Variants in SALL4 observed in about 807,000 individuals in gnomAD.
SALL4 encodes spalt like transcription factor 4, also known as sal-like protein 4.
In SALL4, 4 loss-of-function variants were observed where a neutral mutation model predicts 60.8. The observed-to-expected ratio is 0.07, with a 90% CI of 0.03 to 0.15. SALL4 has a LOEUF of 0.15. Among genes scored for constraint, SALL4 ranks in the 10% least tolerant of loss-of-function variants. SALL4 has a pLI of 1.00. For missense variants in SALL4, 1,178 were observed against 1,394.7 expected, an observed-to-expected ratio of 0.84 and a Z score of 2.48; for synonymous variants, 580 against 574.9, an observed-to-expected ratio of 1.01 and a Z score of -0.13.
rs754373226 is a variant in SALL4, at chr20:51,801,138, C to T, written c.130+1141G>A. On this transcript the variant is annotated intron_variant, in intron 1 of 3. Transcript: ENST00000217086. This position sits in a 1 kb window ranked among gnomAD's most constrained non-coding sequence, Gnocchi z 5.2. ...CAAATCCCCCCTCCCCCCACGCGCACGCTAAAAACTTATCAGGCGACAATT... is the reference window on the plus strand; with the variant it reads ...CAAATCCCCCCTCCCCCCACGCGCATGCTAAAAACTTATCAGGCGACAATT... Among the ~76,000 whole-genome samples, 1 of 152,036 alleles carries T rather than the reference C, an allele frequency of 6.6e-6. No homozygotes were observed. The highest frequency in any genetic ancestry group is 6.6e-5 in the Admixed American group (1 of 15,252).
In SALL4 at chr20:51,802,355, C is replaced by G; in HGVS notation, c.54G>C (p.Gln18His). The change falls in exon 1 of 4, where the codon CAG becomes CAC. Residue 18 changes from glutamine (Q) to histidine (H), a missense_variant. Transcript: ENST00000217086. ...KPQHINSEED[Q>H]GEQQPQQQTP... ...TCTGCTGCTGCGGCTGCTGCTCGCC[C>G]TGGTCCTCCTCCGAGTTGATGTGCT... is the stretch of plus-strand genomic sequence containing the variant. 1 of 1,611,188 alleles carries G rather than the reference C, an allele frequency of 6.2e-7. No individual in the cohort carries two copies. Among genetic ancestry groups the G allele is most frequent in the Non-Finnish European group, 8.5e-7 (1 of 1,179,824 alleles).
At position 51,792,336 on chromosome 20, in the gene SALL4, G is replaced by T; in HGVS notation, c.147C>A (p.His49Gln). The change falls in exon 2 of 4, where the codon CAC (histidine) becomes CAA (glutamine). Residue 49 changes from histidine (H) to glutamine (Q), a missense_variant. His to Gln is a conservative substitution (Grantham distance 24). This residue lies in a region of SALL4 where 108 missense variants were observed against 95.7 expected (regional missense o/e 1.13). Coordinates refer to ENST00000217086, the MANE Select transcript of SALL4 (RefSeq NM_020436.5). Reference protein sequence around the residue: ...AAGELGAPVNHPGNDEVASED... With the variant: ...AAGELGAPVNQPGNDEVASED... ...CACTCGCCACCTCGTCATTCCCTGG[G>T]TGGTTCACTGGAGCACCTGTAACAA... is the stretch of plus-strand genomic sequence containing the variant. 6.2e-7 allele frequency: 1 copy of T among 1,603,994 alleles called. No individual in the cohort carries two copies. Among genetic ancestry groups the T allele is most frequent in the Non-Finnish European group, 8.5e-7 (1 of 1,179,976 alleles).
chr20:51,790,963 A>C lies in SALL4; in HGVS notation c.1520T>G (p.Leu507Arg), dbSNP rs6126344. Residue 507 changes from leucine to arginine, a missense_variant, in exon 2 of 4, where the codon CTG becomes CGG. Leu to Arg is a moderately radical substitution (Grantham distance 102, BLOSUM62 -2). This residue lies in a region of SALL4 where 853 missense variants were observed against 1,036.8 expected (regional missense o/e 0.82). Transcript: ENST00000217086. This position sits in a 1 kb window ranked among gnomAD's most constrained non-coding sequence, Gnocchi z 5.5. ...ACTTTCTGGAGAAGGCCCAGGCTGC[A>C]GGTCACCGGGCAAGGAGCCACCCGT... ...DLTGGSLPGD[L>R]QPGPSPESEG... 0.35 allele frequency: 557,459 copies of C among 1,613,936 alleles called. 99,606 individuals carry two copies. The highest frequency in any genetic ancestry group is 0.55 in the East Asian group (24,652 of 44,848).
Position 51,782,572 on chromosome 20 carries a change from AAAGGGGGGCGGAATCCTAAAGTCAGG to A in SALL4, c.*1667_*1692del, listed in dbSNP as rs2077962147. ...TGGCAAAAAAAAAAAAAAAAAAAAA[AAAGGGGGGCGGAATCCTAAAGTCAGG>A]TGCAACGATGAAGAGACAACACTTT... On this transcript the variant is annotated 3_prime_UTR_variant, in exon 4 of 4. Coordinates refer to ENST00000217086, the MANE Select transcript of SALL4 (RefSeq NM_020436.5). The A allele has an allele frequency of 1.3e-5, 2 of 151,040 alleles. No individual in the cohort carries two copies. The highest frequency in any genetic ancestry group is 1.3e-4 in the Admixed American group (2 of 15,146). The allele number at this position is 151,040 out of a possible 1,614,324, so 9.4% of individuals were successfully genotyped here.
At chr20:51,792,875 C>T (rs2078057960) in intron 1 of SALL4, 1 of 1,022,032 alleles carries the variant, frequency 9.8e-7, no homozygotes, top group South Asian at 3.9e-5. Context: ...TCATTGTTCT[C>T]ACCTCCCTGC....
intron 1 of SALL4, among the ~76,000 whole-genome samples, chr20:51,800,488 T>C (rs931423947): frequency 1.7e-4 from 26 of 152,320 alleles, no homozygotes; most frequent in African/African-American, 6.3e-4. Context: ...CCAACCATCG[T>C]TAATTTCAGA....
intron 1 of SALL4, among the ~76,000 whole-genome samples, chr20:51,798,475 T>C (rs1292726049): frequency 6.6e-6 from 1 of 151,660 alleles, no homozygotes; most frequent in Non-Finnish European, 1.5e-5. Context: ...TGGGGGGGGA[T>C]TGTGGTGACT....
rs540189512 is a variant in SALL4, at chr20:51,788,924, A to C, written c.2679T>G (p.Thr893=). Residue 893 remains threonine, a synonymous_variant, in exon 3 of 4, where the codon ACT becomes ACG. Transcript: ENST00000217086. This position sits in a 1 kb window ranked among gnomAD's most constrained non-coding sequence, Gnocchi z 4.1. The stretch of plus-strand genomic sequence containing the variant: ...TGTTGCACACAAAAGGCTTCTCTCC[A>C]GTGTGAGTCCGCTCGTGGATCTGAA... ...SALQIHERTH[T]GEKPFVCNIC... The C allele has an allele frequency of 1.9e-5, 31 of 1,614,200 alleles. No homozygotes were observed. Among genetic ancestry groups the C allele is most frequent in the African/African-American group, 1.9e-4 (14 of 75,050 alleles).
chr20:51,794,258 G>A (rs1458570185), intron 1 of SALL4, among the ~76,000 whole-genome samples: 2 of 152,198 alleles, frequency 1.3e-5, no homozygotes, highest in Non-Finnish European at 2.9e-5. Flanking sequence ...TGCCCATACT[G>A]TAATCATTCA....
In SALL4 at chr20:51,783,127, C is replaced by G. The variant is rs924377910; in HGVS notation, c.*1138G>C. Reference sequence around the variant, plus strand: ...GCCCTTCCACGAGTTTCTTCTCGAGCATGAAAACCCAGTTCTTCAATAGAG... The same window carrying G: ...GCCCTTCCACGAGTTTCTTCTCGAGGATGAAAACCCAGTTCTTCAATAGAG... On this transcript the variant is annotated 3_prime_UTR_variant, in exon 4 of 4. Transcript: ENST00000217086. The G allele has an allele frequency of 6.6e-6, 1 of 152,130 alleles. No homozygotes were observed. The highest frequency in any genetic ancestry group is 2.4e-5 in the African/African-American group (1 of 41,424). 9.4% of individuals were successfully genotyped at this position (152,130 alleles called of 1,614,324 possible).
At position 51,790,036 on chromosome 20, in the gene SALL4, C is replaced by T. The variant is rs747560279; in HGVS notation, c.2447G>A (p.Arg816His). 41 of 1,614,060 alleles carry T rather than the reference C, an allele frequency of 2.5e-5. No homozygotes were observed. The highest frequency in any genetic ancestry group is 2.0e-4 in the South Asian group (18 of 91,076). The change falls in exon 2 of 4, where the codon CGC becomes CAC. Residue 816 changes from arginine to histidine, a missense_variant. By Grantham distance (29) the Arg-to-His change is conservative (BLOSUM62 0). This residue lies in a region of SALL4 where 853 missense variants were observed against 1,036.8 expected (regional missense o/e 0.82). Coordinates refer to ENST00000217086, the MANE Select transcript of SALL4 (RefSeq NM_020436.5). The surrounding 1 kb of genome is among the most constrained non-coding windows in gnomAD (Gnocchi z 5.5). ...GSKAESSENS[R>H]TEMEGRSSLP... ...AGCTCTATCACCTTCCATCTCAGTG[C>T]GGCTGTTCTCGGAGCTCTCTGCTTT...
At chr20:51,800,781 G>A (rs538611800) in intron 1 of SALL4, among the ~76,000 whole-genome samples, 1 of 151,738 alleles carries the variant, frequency 6.6e-6, no homozygotes, top group African/African-American at 2.4e-5. Flanking sequence ...AGGCGCCTGG[G>A]ACCTCGGGTG....
At chr20:51,798,834 A>T (rs918280268) in intron 1 of SALL4, among the ~76,000 whole-genome samples, 11 of 151,224 alleles carry the variant, frequency 7.3e-5, no homozygotes, top group African/African-American at 2.2e-4. Flanking sequence ...GGTTATTTTT[A>T]AAAAACCAAT....
chr20:51,784,321 C>T lies in SALL4; in HGVS notation c.3106G>A (p.Val1036Ile), dbSNP rs377696653. The part of the protein sequence containing the change: ...DVEKPSATDG[V>I]PKHQFPHFLE... The stretch of plus-strand genomic sequence containing the variant: ...AAGTGAGGAAACTGGTGTTTGGGAA[C>T]GCCGTCAGTAGCACTTGGTTTTTCC... The change falls in exon 4 of 4, where the codon GTT becomes ATT. Residue 1036 changes from valine (V) to isoleucine (I), a missense_variant. Physicochemically the swap from Val to Ile is conservative, Grantham distance 29. Transcript: ENST00000217086. 1.9e-5 allele frequency: 31 copies of T among 1,614,056 alleles called. No homozygotes were observed. The highest frequency in any genetic ancestry group is 1.3e-4 in the South Asian group (12 of 91,084).
In SALL4 at chr20:51,790,552, T is replaced by A. The variant is rs755209821; in HGVS notation, c.1931A>T (p.His644Leu). The change falls in exon 2 of 4, where the codon CAT becomes CTT. Residue 644 changes from histidine to leucine, a missense_variant. By Grantham distance (99) the His-to-Leu change is moderately conservative. Transcript: ENST00000217086. The surrounding 1 kb of genome is among the most constrained non-coding windows in gnomAD (Gnocchi z 5.5). ...CTGACCGCCCATGTGCATCCGAATA[T>A]GTTGCTGCAGCATCACGGCATTAGT... The part of the protein sequence containing the change: ...KFTNAVMLQQ[H>L]IRMHMGGQIP... The A allele has an allele frequency of 6.2e-7, 1 of 1,614,168 alleles. No homozygotes were observed. Among genetic ancestry groups the A allele is most frequent in the Admixed American group, 1.7e-5 (1 of 60,020 alleles).
rs780276827 is a variant in SALL4, at chr20:51,784,594, C to T, written c.2833G>A (p.Asp945Asn). 24 of 1,614,056 alleles carry T rather than the reference C, an allele frequency of 1.5e-5. No individual in the cohort carries two copies. Among genetic ancestry groups the T allele is most frequent in the Non-Finnish European group, 1.9e-5 (23 of 1,180,046 alleles). The part of the protein sequence containing the change: ...IENTMALLGT[D>N]GKRVSEIFPK... ...AAGATTTCTGAGACTCTTTTTCCGT[C>T]CGTACCTAACAGAGCCATGGTGTTC... The change falls in exon 4 of 4, where the codon GAC becomes AAC. Residue 945 changes from aspartate (D) to asparagine (N), a missense_variant. Asp to Asn is a conservative substitution (Grantham distance 23, BLOSUM62 1). Transcript: ENST00000217086.
At position 51,790,982 on chromosome 20, in the gene SALL4, C is replaced by G. The variant is rs758979245; in HGVS notation, c.1501G>C (p.Gly501Arg). The G allele has an allele frequency of 6.2e-7, 1 of 1,614,152 alleles. No individual in the cohort carries two copies. The highest frequency in any genetic ancestry group is 8.5e-7 in the Non-Finnish European group (1 of 1,180,028). ...SGTNPKDLTG[G>R]SLPGDLQPGP... ...GGCTGCAGGTCACCGGGCAAGGAGC[C>G]ACCCGTGAGGTCCTTGGGATTAGTC... Residue 501 changes from glycine to arginine, a missense_variant, in exon 2 of 4, where the codon GGC (glycine) becomes CGC (arginine). By Grantham distance (125) the Gly-to-Arg change is moderately radical. Around this residue, in one of 5 missense-constraint regions of SALL4, gnomAD observed 853 missense variants for 1,036.8 expected, o/e 0.82. Transcript: ENST00000217086. The surrounding 1 kb of genome is among the most constrained non-coding windows in gnomAD (Gnocchi z 5.5).
rs2077961144 is a variant in SALL4 at position 51,782,407 on chromosome 20, GTAGATCA to G, written c.*1851_*1857del. 6.6e-6 allele frequency: 1 copy of G among 152,026 alleles called. No individual in the cohort carries two copies. The highest frequency in any genetic ancestry group is 1.9e-4 in the East Asian group (1 of 5,178). 9.4% of individuals were successfully genotyped at this position (152,026 alleles called of 1,614,324 possible). On this transcript the variant is annotated 3_prime_UTR_variant, in exon 4 of 4. Transcript: ENST00000217086. ...CAGGTACAACTACAGGGGTTTCTCC[GTAGATCA>G]TACATTCACAAGGCATTATTAGCTC...
rs762041918 is a variant in SALL4, at chr20:51,790,047, G to A, written c.2436C>T (p.Ser812=). ...CTTCCATCTCAGTGCGGCTGTTCTCGGAGCTCTCTGCTTTGCTCCCAGCAT... is the reference window on the plus strand; with the variant it reads ...CTTCCATCTCAGTGCGGCTGTTCTCAGAGCTCTCTGCTTTGCTCCCAGCAT... ...SPDAGSKAES[S]ENSRTEMEGR... Residue 812 remains serine (S), a synonymous_variant, in exon 2 of 4, where the codon TCC becomes TCT. Coordinates refer to ENST00000217086, the MANE Select transcript of SALL4 (RefSeq NM_020436.5). The surrounding 1 kb of genome is among the most constrained non-coding windows in gnomAD (Gnocchi z 5.5). The A allele has an allele frequency of 2.4e-5, 38 of 1,614,000 alleles. No homozygotes were observed. In the South Asian group the frequency reaches 2.7e-4, roughly 12 times the overall value.
Sources: allele counts gnomAD v4.1 joint callset (sites outside exome capture counted in the v4.1 genomes callset), GRCh38; gene constraint gnomAD v4.1.1; regional missense constraint gnomAD v4.1.1; non-coding constraint Gnocchi (gnomAD v3.1); transcripts MANE v1.5; gene names NCBI Gene and HGNC (gene_info 2026-07-23, HGNC 2026-07-21).